RAB11FIP1: variants seen among roughly 807,000 people sequenced by gnomAD.
RAB11FIP1 encodes RAB11 family interacting protein 1.
Under a neutral mutation model 83.1 loss-of-function variants are expected in RAB11FIP1, and 49 were observed. The ratio of observed to expected loss-of-function variants is 0.59; its 90% CI spans 0.47 to 0.75. RAB11FIP1 has a LOEUF of 0.75. RAB11FIP1 is among the 30% of genes least tolerant of loss of function. The pLI is 0.00. For synonymous variants in RAB11FIP1, 670 were observed against 656.0 expected, an observed-to-expected ratio of 1.02 and a Z score of -0.33; for missense variants, 1,536 against 1,598.7, an observed-to-expected ratio of 0.96 and a Z score of 0.67.
Position 37,861,937 on chromosome 8 carries a change from C to T in RAB11FIP1, c.*958G>A, listed in dbSNP as rs1563363749. On this transcript the variant is annotated 3_prime_UTR_variant, in exon 6 of 6. Transcript: ENST00000330843. Reference sequence around the variant, plus strand: ...GAGTTGGTGGACCCTGTCTCTGCCCCTTACAAGGAGTGTTGCTGAGGAAAC... The same window carrying T: ...GAGTTGGTGGACCCTGTCTCTGCCCTTTACAAGGAGTGTTGCTGAGGAAAC... 1.4e-5 allele frequency: 3 copies of T among 216,422 alleles called. No individual in the cohort carries two copies. Among genetic ancestry groups the T allele is most frequent in the Non-Finnish European group, 2.8e-5 (3 of 105,662 alleles). 13.4% of individuals were successfully genotyped at this position (216,422 alleles called of 1,614,324 possible). A position where few individuals can be genotyped will look rare whatever the true frequency, so the allele number is the denominator to read the frequency against.
At position 37,871,849 on chromosome 8, in the gene RAB11FIP1, C is replaced by T; in HGVS notation, c.2953G>A (p.Asp985Asn). ...GTTGACGACTTTGCTGTCTCTCCAT[C>T]ATCTTCAACCTGATCTCCGTCATCT... ...VEDDGDQVEDDGETAKSSTLD... is the reference protein window; with the variant it reads ...VEDDGDQVEDNGETAKSSTLD... Residue 985 changes from aspartate to asparagine, a missense_variant, in exon 4 of 6, where the codon GAT becomes AAT. Asp to Asn is a conservative substitution (Grantham distance 23). Transcript: ENST00000330843. 6.2e-7 allele frequency: 1 copy of T among 1,614,080 alleles called. No homozygotes were observed. The highest frequency in any genetic ancestry group is 1.1e-5 in the South Asian group (1 of 90,988).
Position 37,877,353 on chromosome 8 carries a change from G to A in RAB11FIP1, c.570C>T (p.Ser190=), listed in dbSNP as rs563868240. 22 of 1,614,116 alleles carry A rather than the reference G, an allele frequency of 1.4e-5. No homozygotes were observed. The highest frequency in any genetic ancestry group is 9.3e-5 in the African/African-American group (7 of 75,036). The change falls in exon 2 of 6, where the codon TCC becomes TCT. Residue 190 remains serine (S), a synonymous_variant. Transcript: ENST00000330843. ...AAGGTGTCGTGCTAGGGATGATGGC[G>A]GAGGCGGTGTCTGACCCACTGTCCT... ...KNKDSGSDTA[S]AIIPSTTPSV...
rs762117611 is a variant in RAB11FIP1, at chr8:37,899,073, C to G, written c.369G>C (p.Thr123=). ...CTCCCCTCCCCGCCCGCACTCACTG[C>G]GTCTTCCTGCGGCCCTGGTCGCGGT... ...DLHRDQGRRK[T]QWYKLKSKPG... is the part of the protein sequence containing the mutation. The change falls in exon 1 of 6, where the codon ACG becomes ACC. Residue 123 remains threonine (T), a splice_region_variant and synonymous_variant. Coordinates refer to ENST00000330843, the MANE Select transcript of RAB11FIP1 (RefSeq NM_001002814.3). This position sits in a 1 kb window ranked among gnomAD's most constrained non-coding sequence, Gnocchi z 4.5. 1 of 1,498,348 alleles carries G rather than the reference C, an allele frequency of 6.7e-7. No homozygotes were observed. The highest frequency in any genetic ancestry group is 1.3e-5 in the South Asian group (1 of 79,578). The allele number at this position is 1,498,348 out of a possible 1,614,324, so 92.8% of individuals were successfully genotyped here.
In RAB11FIP1 at chr8:37,862,589, T is replaced by G. The variant is rs541276711; in HGVS notation, c.*306A>C. ...AGTGTTAAAATACATGAATACTTCC[T>G]GTGCCATCTGAATCTCTGGCTCAGG... is the stretch of plus-strand genomic sequence containing the variant. On this transcript the variant is annotated 3_prime_UTR_variant, in exon 6 of 6. Transcript: ENST00000330843. The G allele has an allele frequency of 3.7e-6, 1 of 273,702 alleles. No individual in the cohort carries two copies. The highest frequency in any genetic ancestry group is 7.0e-6 in the Non-Finnish European group (1 of 142,102). The allele number at this position is 273,702 out of a possible 1,614,324, so 17.0% of individuals were successfully genotyped here.
chr8:37,873,132 G>A lies in RAB11FIP1; in HGVS notation c.1670C>T (p.Pro557Leu). 6.2e-7 allele frequency: 1 copy of A among 1,610,426 alleles called. No individual in the cohort carries two copies. Among genetic ancestry groups the A allele is most frequent in the African/African-American group, 1.3e-5 (1 of 74,952 alleles). ...EAQPTARLPSPTDSPSSLPPL... is the reference protein window; with the variant it reads ...EAQPTARLPSLTDSPSSLPPL... ...AGGAAGAGAGGAAGGGGAGTCAGTA[G>A]GGGAAGGAAGCCTGGCTGTGGGTTG... Residue 557 changes from proline to leucine, a missense_variant, in exon 4 of 6, where the codon CCT becomes CTT. Physicochemically the swap from Pro to Leu is moderately conservative, Grantham distance 98. Transcript: ENST00000330843.
rs148019875 is a variant in RAB11FIP1, at chr8:37,872,059, C to T, written c.2743G>A (p.Gly915Arg). 3.2e-5 allele frequency: 52 copies of T among 1,613,968 alleles called. 1 individual carries two copies. The African/African-American group carries it at 4.8e-4, about 15-fold the overall frequency. ...TACTGAGTCACAAGGGCATCCTCTC[C>T]CTCCATCCTAAAGAGTGGAGTGTCT... ...AKDTPLFRME[G>R]EDALVTQYQS... is the part of the protein sequence containing the mutation. The change falls in exon 4 of 6, where the codon GGA (glycine) becomes AGA (arginine). Residue 915 changes from glycine (G) to arginine (R), a missense_variant. Transcript: ENST00000330843.
chr8:37,879,371 T>C (rs1032556025), intron 1 of RAB11FIP1, among the ~76,000 whole-genome samples: 3 of 152,024 alleles, frequency 2.0e-5, no homozygotes, highest in South Asian at 4.1e-4. Flanking sequence ...AAACACTATA[T>C]GAGTCCACTT....
At chr8:37,863,913 C>T (rs906756635) in intron 5 of RAB11FIP1, among the ~76,000 whole-genome samples, 1 of 152,068 alleles carries the variant, frequency 6.6e-6, no homozygotes, top group Non-Finnish European at 1.5e-5. Context: ...CAGAGGGGGC[C>T]CAGGAAGACA....
At chr8:37,873,228 G>T in intron 3 of RAB11FIP1, 49 bp from the exon 4 acceptor site, 1 of 1,501,926 alleles carries the variant, frequency 6.7e-7, no homozygotes, top group South Asian at 1.3e-5. Flanking sequence ...GATGCATCAC[G>T]AGAGACAAAG....
chr8:37,876,262 G>GA (rs1806607772), intron 2 of RAB11FIP1, among the ~76,000 whole-genome samples: 1 of 138,178 alleles, frequency 7.2e-6, no homozygotes, highest in African/African-American at 3.0e-5. Context: ...AGGAAGGAAG[G>GA]AAGAAAGAAG....
At chr8:37,898,058 G>A (rs2130208517) in intron 1 of RAB11FIP1, among the ~76,000 whole-genome samples, 1 of 152,316 alleles carries the variant, frequency 6.6e-6, no homozygotes. Flanking sequence ...TCTATTCAGT[G>A]AAATACCCAG....
chr8:37,883,159 T>C (rs532885667), intron 1 of RAB11FIP1, among the ~76,000 whole-genome samples: 4 of 135,788 alleles, frequency 2.9e-5, no homozygotes, highest in Non-Finnish European at 6.4e-5. Flanking sequence ...AATTGTTTCG[T>C]TTTTTTTTTT....
At chr8:37,893,799 G>T (rs1249411763) in intron 1 of RAB11FIP1, among the ~76,000 whole-genome samples, 1 of 151,784 alleles carries the variant, frequency 6.6e-6, no homozygotes, top group Non-Finnish European at 1.5e-5. Context: ...AAAAAAAAAG[G>T]ATAAACTTTA....
At chr8:37,884,042 TTTTA>T (rs74283501) in intron 1 of RAB11FIP1, among the ~76,000 whole-genome samples, 9,540 of 151,496 alleles carry the variant, frequency 0.063, 1,000 homozygotes, top group African/African-American at 0.22. Flanking sequence ...AGTGACATAA[TTTTA>T]TTTATTTATT....
chr8:37,878,201 T>A (rs563092766), intron 1 of RAB11FIP1: 1 of 151,988 alleles, frequency 6.6e-6, no homozygotes, highest in African/African-American at 2.4e-5. Flanking sequence ...TTCCATGGAA[T>A]CACTTCCGAT....
intron 5 of RAB11FIP1, among the ~76,000 whole-genome samples, chr8:37,865,891 T>C (rs1288191262): frequency 6.6e-6 from 1 of 152,194 alleles, no homozygotes; most frequent in Non-Finnish European, 1.5e-5. Flanking sequence ...TTCCTTAAGA[T>C]AAATGCCTAG....
chr8:37,872,957 C>T lies in RAB11FIP1; in HGVS notation c.1845G>A (p.Trp615Ter), dbSNP rs1449555175. 22 of 1,614,002 alleles carry T rather than the reference C, an allele frequency of 1.4e-5. No homozygotes were observed. The East Asian group carries it at 4.5e-4, about 33-fold the overall frequency. ...PISTSTPIES[W>*]PLVDRGQAKS... Reference sequence around the variant, plus strand: ...TGGCCTGGCCCCTGTCTACGAGAGGCCAGCTTTCAATTGGAGTGGATGTGG... The same window carrying T: ...TGGCCTGGCCCCTGTCTACGAGAGGTCAGCTTTCAATTGGAGTGGATGTGG... The change falls in exon 4 of 6, where the codon TGG (tryptophan) becomes TGA (stop). Residue 615 changes from tryptophan to a stop codon, truncating the protein, a stop_gained. Transcript: ENST00000330843. LOFTEE classifies it high-confidence loss of function.
In RAB11FIP1 at chr8:37,859,848, G is replaced by C. The variant is rs1471231177; in HGVS notation, c.*3047C>G. 2 of 152,142 alleles carry C rather than the reference G, an allele frequency of 1.3e-5. No individual in the cohort carries two copies. 9.4% of individuals were successfully genotyped at this position (152,142 alleles called of 1,614,324 possible). On this transcript the variant is annotated 3_prime_UTR_variant, in exon 6 of 6. Transcript: ENST00000330843. ...TCTTCTGAGACATAGGCCATTTGTA[G>C]GATTCTCCAGTGCTCCAATTCACTA...
intron 1 of RAB11FIP1, among the ~76,000 whole-genome samples, chr8:37,898,326 C>A (rs1186209406): frequency 6.6e-6 from 1 of 151,208 alleles, no homozygotes; most frequent in African/African-American, 2.4e-5. Flanking sequence ...GCCTGGCCAA[C>A]ACGGTGAAAC....
Sources: gnomAD v4.1 joint callset for allele counts (sites outside exome capture counted in the v4.1 genomes callset) on GRCh38, gnomAD v4.1.1 for gene constraint, Gnocchi (gnomAD v3.1) non-coding constraint, MANE v1.5 for transcripts, NCBI Gene and HGNC (gene_info 2026-07-23, HGNC 2026-07-21) for gene names.